Variants in NEGR1 observed in about 807,000 individuals in gnomAD.
The protein encoded by NEGR1 is IgLON family member 4.
NEGR1 carries 10 observed loss-of-function variants against 40.9 expected under a neutral mutation model. The ratio of observed to expected loss-of-function variants is 0.24; its 90% CI spans 0.15 to 0.42. NEGR1 has a LOEUF of 0.42. Ranked by LOEUF, NEGR1 falls within the 10% of genes least tolerant of loss-of-function variation. The pLI is 1.00. For synonymous variants in NEGR1, 185 were observed against 166.8 expected (o/e 1.11, Z -0.84); for missense variants, 352 against 438.9 (o/e 0.80, Z 1.77).
At chr1:71,906,713 T>C (rs1414913671) in intron 2 of NEGR1, among the ~76,000 whole-genome samples, 1 of 152,134 alleles carries the variant, frequency 6.6e-6, no homozygotes, top group Non-Finnish European at 1.5e-5. Context: ...ATATGTCCTA[T>C]TAACTCATTC....
At chr1:72,279,622 T>C (rs986114520) in intron 1 of NEGR1, among the ~76,000 whole-genome samples, 40 of 152,156 alleles carry the variant, frequency 2.6e-4, no homozygotes, top group African/African-American at 8.9e-4. Context: ...AGTTAGAGAA[T>C]AACAACAGAT....
At chr1:72,147,216 T>C (rs1408092191) in intron 1 of NEGR1, among the ~76,000 whole-genome samples, 1 of 152,168 alleles carries the variant, frequency 6.6e-6, no homozygotes, top group African/African-American at 2.4e-5. Flanking sequence ...TATAAAGACA[T>C]ACCCGAAACT....
intron 1 of NEGR1, among the ~76,000 whole-genome samples, chr1:71,963,482 C>T (rs1388961055): frequency 2.0e-5 from 3 of 152,164 alleles, no homozygotes; most frequent in African/African-American, 7.2e-5. Context: ...AATGTAGGCA[C>T]AGCTAAAGTA....
intron 4 of NEGR1, among the ~76,000 whole-genome samples, chr1:71,684,773 T>G (rs1374029702): frequency 1.3e-5 from 2 of 152,216 alleles, no homozygotes; most frequent in Non-Finnish European, 2.9e-5. Flanking sequence ...CATTGATTCC[T>G]CTCCATTCTC....
intron 3 of NEGR1, among the ~76,000 whole-genome samples, chr1:71,711,341 CAAAAA>C (rs59376519): frequency 1.7e-5 from 1 of 58,706 alleles, no homozygotes; most frequent in African/African-American, 7.0e-5. Context: ...GAGATTCCAC[CAAAAA>C]AAAAAAAAAA....
chr1:72,044,077 A>G (rs1165187203), intron 1 of NEGR1, among the ~76,000 whole-genome samples: 1 of 151,854 alleles, frequency 6.6e-6, no homozygotes, highest in African/African-American at 2.4e-5. Context: ...ACCAATCTGT[A>G]TGCAGATGCT....
chr1:71,411,849 A>C (rs1646323557), intron 6 of NEGR1, among the ~76,000 whole-genome samples: 1 of 152,118 alleles, frequency 6.6e-6, no homozygotes, highest in South Asian at 2.1e-4. Context: ...AAAATACAAA[A>C]AAATAGCTGG....
intron 2 of NEGR1, among the ~76,000 whole-genome samples, chr1:71,827,450 G>C (rs1384264889): frequency 6.6e-6 from 1 of 151,772 alleles, no homozygotes; most frequent in Admixed American, 6.6e-5. Flanking sequence ...ACTCTCGGTA[G>C]ATAATCACTC....
At chr1:71,675,622 T>A (rs1362622747) in intron 4 of NEGR1, among the ~76,000 whole-genome samples, 1 of 151,936 alleles carries the variant, frequency 6.6e-6, no homozygotes, top group Non-Finnish European at 1.5e-5. Flanking sequence ...TCTGGGATTA[T>A]GAGTTTGAAC....
At chr1:71,436,780 T>G (rs936083780) in intron 6 of NEGR1, among the ~76,000 whole-genome samples, 3 of 152,200 alleles carry the variant, frequency 2.0e-5, no homozygotes, top group African/African-American at 7.2e-5. Context: ...CCACTTCCAC[T>G]AATAGTAACT....
intron 6 of NEGR1, among the ~76,000 whole-genome samples, chr1:71,571,787 C>CAAAAAAA (rs34844215): frequency 1.9e-5 from 2 of 106,520 alleles, no homozygotes; most frequent in African/African-American, 3.7e-5. Context: ...GCCCCTGTCT[C>CAAAAAAA]AAAAAAAAAA....
chr1:71,597,585 C>T (rs1649766694), intron 5 of NEGR1, among the ~76,000 whole-genome samples: 1 of 150,568 alleles, frequency 6.6e-6, no homozygotes, highest in Admixed American at 6.7e-5. Flanking sequence ...TATCTGTTCT[C>T]AATACATTTA....
At chr1:72,103,749 G>A (rs1165628351) in intron 1 of NEGR1, among the ~76,000 whole-genome samples, 5 of 151,916 alleles carry the variant, frequency 3.3e-5, no homozygotes, top group South Asian at 2.1e-4. Flanking sequence ...TTTTCCTGCC[G>A]CCCTTCAACA....
chr1:72,146,082 A>G lies in NEGR1; in HGVS notation c.176+136237T>C, dbSNP rs113752297. On this transcript the variant is annotated intron_variant, in intron 1 of 6. Transcript: ENST00000357731. ...GCAGGGGGAGTGAGATGTCTTCACA[A>G]TACTATGTTTTCACTATACTATATT... Among the ~76,000 whole-genome samples, 489 of 152,192 alleles carry G rather than the reference A, an allele frequency of 3.2e-3. 3 individuals carry two copies. Among genetic ancestry groups the G allele is most frequent in the African/African-American group, 0.011 (469 of 41,534 alleles).
chr1:71,450,273 G>C (rs1273374179), intron 6 of NEGR1, among the ~76,000 whole-genome samples: 3 of 152,108 alleles, frequency 2.0e-5, no homozygotes, highest in Non-Finnish European at 4.4e-5. Flanking sequence ...ACAGGTGTGA[G>C]CCACCACACC....
At chr1:72,009,878 A>G (rs1872578) in intron 1 of NEGR1, among the ~76,000 whole-genome samples, 51,652 of 151,852 alleles carry the variant, frequency 0.34, 10,527 homozygotes, top group African/African-American at 0.57. Context: ...ATAGCTAAAT[A>G]CAGGGGTCAG....
chr1:71,555,442 C>G (rs1180672373), intron 6 of NEGR1, among the ~76,000 whole-genome samples: 1 of 151,506 alleles, frequency 6.6e-6, no homozygotes, highest in African/African-American at 2.4e-5. Context: ...TTACTTGTTA[C>G]CTGAAAATAG....
intron 2 of NEGR1, among the ~76,000 whole-genome samples, chr1:71,794,946 T>C (rs779713274): frequency 1.9e-4 from 29 of 151,998 alleles, no homozygotes; most frequent in Non-Finnish European, 4.1e-4. Flanking sequence ...TGCACAATTT[T>C]AAAAAGGGGA....
rs145280948 is a variant in NEGR1, at chr1:71,596,157, G to T, written c.789-3189C>A. ...TATGGTGCCTACTTGGAAATACCTG[G>T]TCATTTTTCTTCATTGCGTTTTTAT... On this transcript the variant is annotated intron_variant, in intron 5 of 6. Coordinates refer to ENST00000357731, the MANE Select transcript of NEGR1 (RefSeq NM_173808.3). Among the ~76,000 whole-genome samples the T allele has an allele frequency of 1.2e-3, 179 of 151,958 alleles. 1 individual carries two copies. The highest frequency in any genetic ancestry group is 4.2e-3 in the African/African-American group (174 of 41,416).
Sources: gnomAD v4.1 joint callset for allele counts (sites outside exome capture counted in the v4.1 genomes callset) on GRCh38, gnomAD v4.1.1 for gene constraint, MANE v1.5 for transcripts, NCBI Gene and HGNC (gene_info 2026-07-23, HGNC 2026-07-21) for gene names.